Variants in PRKCE observed in about 807,000 individuals in gnomAD.
PRKCE encodes the protein protein kinase C epsilon, also known as protein kinase C epsilon type.
PRKCE carries 16 observed loss-of-function variants against 85.4 expected under a neutral mutation model. The ratio of observed to expected loss-of-function variants is 0.19; its 90% CI spans 0.13 to 0.28. The LOEUF (loss-of-function observed/expected upper bound fraction) is 0.28, where lower values mean the gene tolerates loss of function less well. Ranked by LOEUF, PRKCE falls within the 10% of genes least tolerant of loss-of-function variation. PRKCE has a pLI of 1.00. For missense variants in PRKCE, 573 were observed against 975.2 expected, an observed-to-expected ratio of 0.59 and a Z score of 5.49; for synonymous variants, 388 against 371.5, an observed-to-expected ratio of 1.04 and a Z score of -0.51.
intron 1 of PRKCE, among the ~76,000 whole-genome samples, chr2:45,835,597 GT>G (rs34000335): frequency 0.31 from 43,826 of 143,554 alleles, 6,866 homozygotes; most frequent in African/African-American, 0.39. Flanking sequence ...TAGTATATTT[GT>G]TTTTTTTTTT....
intron 2 of PRKCE, among the ~76,000 whole-genome samples, chr2:45,886,282 C>G (rs146661710): frequency 6.4e-4 from 98 of 152,324 alleles, no homozygotes; most frequent in African/African-American, 2.2e-3. Context: ...TCCTAACCCA[C>G]TCCCACTCTG....
intron 1 of PRKCE, among the ~76,000 whole-genome samples, chr2:45,752,178 T>C (rs897038706): frequency 6.6e-6 from 1 of 152,258 alleles, no homozygotes; most frequent in Non-Finnish European, 1.5e-5. Flanking sequence ...ATGTGTTGAA[T>C]ACTTGTTATG....
chr2:45,828,874 A>C (rs1690172990), intron 1 of PRKCE, among the ~76,000 whole-genome samples: 1 of 152,106 alleles, frequency 6.6e-6, no homozygotes, highest in Admixed American at 6.5e-5. Flanking sequence ...TATTCCACAA[A>C]CACCTTTTTC....
chr2:45,753,670 C>T (rs1683768716), intron 1 of PRKCE, among the ~76,000 whole-genome samples: 4 of 152,068 alleles, frequency 2.6e-5, no homozygotes, highest in Non-Finnish European at 5.9e-5. Flanking sequence ...TAAAAAAAAA[C>T]CTTTCTTATT....
At chr2:46,015,736 G>T (rs1706084834) in intron 10 of PRKCE, among the ~76,000 whole-genome samples, 2 of 150,588 alleles carry the variant, frequency 1.3e-5, no homozygotes, top group Admixed American at 1.3e-4. Context: ...TAGGCCATTG[G>T]TAGATTTTGT....
chr2:45,765,311 A>G (rs1257212920), intron 1 of PRKCE, among the ~76,000 whole-genome samples: 1 of 152,248 alleles, frequency 6.6e-6, no homozygotes, highest in African/African-American at 2.4e-5. Flanking sequence ...CAATAAAAAC[A>G]ATATGTTTAT....
At chr2:45,909,815 A>G (rs1697247133) in intron 2 of PRKCE, among the ~76,000 whole-genome samples, 1 of 152,236 alleles carries the variant, frequency 6.6e-6, no homozygotes, top group African/African-American at 2.4e-5. Flanking sequence ...TCCTTCAGGC[A>G]GGTATTCCAA....
At chr2:45,853,967 C>T (rs1692476022) in intron 2 of PRKCE, among the ~76,000 whole-genome samples, 1 of 152,212 alleles carries the variant, frequency 6.6e-6, no homozygotes, top group Non-Finnish European at 1.5e-5. Context: ...GGAGCCTTCC[C>T]ACACACGGGC....
chr2:45,964,369 C>G (rs1452809744), intron 2 of PRKCE, among the ~76,000 whole-genome samples: 3 of 152,214 alleles, frequency 2.0e-5, no homozygotes, highest in Non-Finnish European at 4.4e-5. Flanking sequence ...GCAGCAATTG[C>G]TCAGTTTCCT....
At chr2:46,148,700 C>T (rs1676320927) in intron 12 of PRKCE, among the ~76,000 whole-genome samples, 1 of 152,214 alleles carries the variant, frequency 6.6e-6, no homozygotes, top group South Asian at 2.1e-4. Flanking sequence ...TGTTACAGCT[C>T]CTACCCTCTG....
intron 2 of PRKCE, among the ~76,000 whole-genome samples, chr2:45,951,530 C>T (rs1012190758): frequency 6.6e-6 from 1 of 152,214 alleles, no homozygotes; most frequent in Non-Finnish European, 1.5e-5. Flanking sequence ...GGCTTGGGGC[C>T]ACACTTAGAT....
intron 10 of PRKCE, among the ~76,000 whole-genome samples, chr2:46,076,765 A>G (rs571913261): frequency 6.6e-6 from 1 of 152,342 alleles, no homozygotes; most frequent in South Asian, 2.1e-4. Context: ...CTTATAGACA[A>G]TCATTATAAG....
At chr2:46,130,805 G>C (rs530788962) in intron 11 of PRKCE, among the ~76,000 whole-genome samples, 5 of 152,332 alleles carry the variant, frequency 3.3e-5, no homozygotes, top group African/African-American at 7.2e-5. Flanking sequence ...AGAAAGTGCT[G>C]CTTGTTTTGG....
chr2:45,700,004 G>T (rs998324632), intron 1 of PRKCE, among the ~76,000 whole-genome samples: 1 of 152,162 alleles, frequency 6.6e-6, no homozygotes, highest in African/African-American at 2.4e-5. Context: ...TGTAAATTGG[G>T]CTGTTGAGGG....
intron 1 of PRKCE, among the ~76,000 whole-genome samples, chr2:45,777,307 TC>T (rs1371323785): frequency 6.6e-6 from 1 of 151,998 alleles, no homozygotes; most frequent in Non-Finnish European, 1.5e-5. Context: ...AGCACCTTGG[TC>T]CCCCTTCCTT....
chr2:46,097,868 TG>T (rs1319350322), intron 11 of PRKCE, among the ~76,000 whole-genome samples: 1 of 152,110 alleles, frequency 6.6e-6, no homozygotes, highest in Non-Finnish European at 1.5e-5. Context: ...CAATGACAGT[TG>T]GGGGGTGAAA....
chr2:45,691,514 T>C (rs1403355332), intron 1 of PRKCE, among the ~76,000 whole-genome samples: 2 of 152,248 alleles, frequency 1.3e-5, no homozygotes, highest in Admixed American at 1.3e-4. Flanking sequence ...ACTAACTGTC[T>C]GGCACATTCA....
chr2:45,900,100 G>GA (rs909353948), intron 2 of PRKCE, among the ~76,000 whole-genome samples: 2 of 152,120 alleles, frequency 1.3e-5, no homozygotes, highest in Admixed American at 6.6e-5. Context: ...AATGCAGTTG[G>GA]AAAAAACCCA....
intron 2 of PRKCE, among the ~76,000 whole-genome samples, chr2:45,917,582 C>T (rs1427299368): frequency 1.3e-5 from 2 of 152,354 alleles, no homozygotes; most frequent in African/African-American, 4.8e-5. Flanking sequence ...ACGTCCCCAC[C>T]AGATTCAGGA....
Sources: allele counts gnomAD v4.1 joint callset (sites outside exome capture counted in the v4.1 genomes callset), GRCh38; gene constraint gnomAD v4.1.1; transcripts MANE v1.5; gene names NCBI Gene and HGNC (gene_info 2026-07-23, HGNC 2026-07-21).